EXD3: variants seen among roughly 807,000 people sequenced by gnomAD.
The protein encoded by EXD3 is exonuclease 3'-5' domain containing 3.
Under a neutral mutation model 98.0 loss-of-function variants are expected in EXD3, and 92 were observed. That is an observed-to-expected ratio of 0.94 (90% CI 0.79 to 1.12). The LOEUF (loss-of-function observed/expected upper bound fraction) is 1.12, where lower values mean the gene tolerates loss of function less well. EXD3 is among the 50% of genes most tolerant of loss of function. The pLI is 0.00. For missense variants in EXD3, 1,222 were observed against 1,191.6 expected (o/e 1.03, Z -0.38); for synonymous variants, 569 against 526.0 (o/e 1.08, Z -1.12).
chr9:137,383,271 C>G (rs1477726007), intron 3 of EXD3, 42 bp downstream of exon 3: 2 of 1,508,166 alleles, frequency 1.3e-6, no homozygotes, highest in African/African-American at 2.8e-5. Context: ...GTCAGTTCTG[C>G]TGGCTGTGAC....
intron 17 of EXD3, among the ~76,000 whole-genome samples, chr9:137,330,984 C>T (rs1275380127): frequency 6.6e-6 from 1 of 152,110 alleles, no homozygotes; most frequent in Non-Finnish European, 1.5e-5. Flanking sequence ...TGGAAGATGA[C>T]AGCAGGGAAG....
chr9:137,412,415 T>C (rs1319989600), intron 1 of EXD3, among the ~76,000 whole-genome samples: 1 of 152,258 alleles, frequency 6.6e-6, no homozygotes, highest in African/African-American at 2.4e-5. Flanking sequence ...ATAAATTCAC[T>C]TGTTTCTCAG....
intron 5 of EXD3, among the ~76,000 whole-genome samples, chr9:137,372,239 C>T (rs985596796): frequency 3.9e-5 from 6 of 152,218 alleles, no homozygotes; most frequent in East Asian, 1.9e-4. Context: ...ACTGATCCGA[C>T]GCATCTCGCA....
intron 7 of EXD3, among the ~76,000 whole-genome samples, chr9:137,358,594 T>C (rs1834907360): frequency 6.6e-6 from 1 of 152,206 alleles, no homozygotes; most frequent in Non-Finnish European, 1.5e-5. Flanking sequence ...TCTTATTCTC[T>C]TGAAATTTTT....
Position 137,407,936 on chromosome 9 carries a change from A to T in EXD3, c.-47-12532T>A, listed in dbSNP as rs1837809656. 3.3e-5 allele frequency among the ~76,000 whole-genome samples: 5 copies of T among 151,376 alleles called. No homozygotes were observed. In the South Asian group the frequency reaches 1.0e-3, roughly 31 times the overall value. Reference sequence around the variant, plus strand: ...CAGGCCCCGCAGCACACAAATGCGGAGCCTCAAGCCTCCAGGGGTTTTCCA... The same window carrying T: ...CAGGCCCCGCAGCACACAAATGCGGTGCCTCAAGCCTCCAGGGGTTTTCCA... On this transcript the variant is annotated intron_variant, in intron 1 of 21. Transcript: ENST00000340951. The surrounding 1 kb of genome is among the most constrained non-coding windows in gnomAD (Gnocchi z 4.4).
At chr9:137,344,339 T>G (rs1833813260) in intron 17 of EXD3, among the ~76,000 whole-genome samples, 1 of 152,120 alleles carries the variant, frequency 6.6e-6, no homozygotes, top group Non-Finnish European at 1.5e-5. Context: ...AATTGGTCAG[T>G]TGGGCCGATC....
intron 17 of EXD3, among the ~76,000 whole-genome samples, chr9:137,334,692 C>T (rs1016165718): frequency 4.6e-5 from 7 of 152,052 alleles, no homozygotes; most frequent in Admixed American, 2.6e-4. Flanking sequence ...TTGACTAGAA[C>T]CACAAAAGCA....
At position 137,307,172 on chromosome 9, in the gene EXD3, G is replaced by A; in HGVS notation, c.2409C>T (p.Asp803=). The A allele has an allele frequency of 6.3e-7, 1 of 1,588,552 alleles. No homozygotes were observed. Residue 803 remains aspartate, a synonymous_variant, in exon 22 of 22, where the codon GAC becomes GAT. Coordinates refer to ENST00000340951, the MANE Select transcript of EXD3 (RefSeq NM_017820.5). The part of the protein sequence containing the change: ...QMADLRAETP[D]MLADGTRLQL... ...GCAGCCGGGTGCCGTCGGCCAGCAT[G>A]TCCGGTGTCTCCGCCCGCAGGTCAG... is the stretch of plus-strand genomic sequence containing the variant.
rs546583184 is a variant in EXD3 at position 137,403,157 on chromosome 9, C to T, written c.-47-7753G>A. 1.3e-5 allele frequency among the ~76,000 whole-genome samples: 2 copies of T among 152,124 alleles called. No homozygotes were observed. Among genetic ancestry groups the T allele is most frequent in the East Asian group, 3.9e-4 (2 of 5,132 alleles). ...GGATCCCCGGCGCTGACCCCTCTCC[C>T]CTCCATGGCAGTGTGGGGACTGCTA... On this transcript the variant is annotated intron_variant, in intron 1 of 21. Coordinates refer to ENST00000340951, the MANE Select transcript of EXD3 (RefSeq NM_017820.5). The surrounding 1 kb of genome is among the most constrained non-coding windows in gnomAD (Gnocchi z 6.1).
intron 20 of EXD3, among the ~76,000 whole-genome samples, chr9:137,309,111 C>G (rs911763438): frequency 6.6e-6 from 1 of 152,182 alleles, no homozygotes; most frequent in South Asian, 2.1e-4. Flanking sequence ...ACTTCCAGCC[C>G]CCGTGCAGAT....
At chr9:137,369,137 G>A (rs1371042857) in intron 5 of EXD3, among the ~76,000 whole-genome samples, 3 of 140,074 alleles carry the variant, frequency 2.1e-5, no homozygotes, top group South Asian at 2.4e-4. Context: ...GGGGAGGGGC[G>A]CAGGGCCGGG....
At chr9:137,366,438 C>A in intron 7 of EXD3, 55 bp downstream of exon 7, 1 of 1,530,528 alleles carries the variant, frequency 6.5e-7, no homozygotes, top group Non-Finnish European at 8.8e-7. Context: ...CCTTCCCTAA[C>A]CAGGGCTCCC....
rs533030703 is a variant in EXD3, at chr9:137,396,257, C to T, written c.-47-853G>A. Reference sequence around the variant, plus strand: ...TGCTGGGACTACAGGCGTGAGCCACCGCGCCTGGCCCCTGGGAGTGTTTTT... The same window carrying T: ...TGCTGGGACTACAGGCGTGAGCCACTGCGCCTGGCCCCTGGGAGTGTTTTT... On this transcript the variant is annotated intron_variant, in intron 1 of 21. Coordinates refer to ENST00000340951, the MANE Select transcript of EXD3 (RefSeq NM_017820.5). Among the ~76,000 whole-genome samples, 148 of 152,290 alleles carry T rather than the reference C, an allele frequency of 9.7e-4. 1 individual carries two copies. Among genetic ancestry groups the T allele is most frequent in the African/African-American group, 2.6e-3 (110 of 41,572 alleles).
chr9:137,366,420 CT>C, intron 7 of EXD3, 72 bp downstream of exon 7: 1 of 1,527,244 alleles, frequency 6.5e-7, no homozygotes, highest in Non-Finnish European at 8.8e-7. Flanking sequence ...TGCTGCCCCC[CT>C]ACACTCCCTT....
intron 3 of EXD3, among the ~76,000 whole-genome samples, chr9:137,382,305 G>A (rs113884567): frequency 6.6e-6 from 1 of 151,856 alleles, no homozygotes; most frequent in Non-Finnish European, 1.5e-5. Context: ...ATAAACAAGC[G>A]CTGCTCCAAG....
intron 1 of EXD3, among the ~76,000 whole-genome samples, chr9:137,420,508 T>C (rs1838461496): frequency 6.6e-6 from 1 of 152,222 alleles, no homozygotes; most frequent in Non-Finnish European, 1.5e-5. Flanking sequence ...CCCTGGTTAT[T>C]CTACCAAGGC....
intron 1 of EXD3, among the ~76,000 whole-genome samples, chr9:137,413,974 T>G (rs1838123345): frequency 6.7e-6 from 1 of 149,998 alleles, no homozygotes; most frequent in East Asian, 2.0e-4. Flanking sequence ...TGGAGTGCAG[T>G]GGTGCCATCT....
intron 3 of EXD3, among the ~76,000 whole-genome samples, chr9:137,382,342 TAGGG>T (rs1836356831): frequency 7.0e-6 from 1 of 142,334 alleles, no homozygotes; most frequent in African/African-American, 2.7e-5. Context: ...TGTCAGGACA[TAGGG>T]AGGAAAGGAC....
intron 3 of EXD3, among the ~76,000 whole-genome samples, chr9:137,380,770 T>TG (rs1242867951): frequency 1.4e-5 from 2 of 141,452 alleles, no homozygotes; most frequent in African/African-American, 2.7e-5. Flanking sequence ...GTAGTGGGGC[T>TG]GGGGGGGTCC....
Sources: allele counts gnomAD v4.1 joint callset (sites outside exome capture counted in the v4.1 genomes callset), GRCh38; gene constraint gnomAD v4.1.1; non-coding constraint Gnocchi (gnomAD v3.1); transcripts MANE v1.5; gene names NCBI Gene and HGNC (gene_info 2026-07-23, HGNC 2026-07-21).